Variants in CLDN15 observed in about 807,000 individuals in gnomAD.
CLDN15 encodes the protein claudin 15.
Under a neutral mutation model 24.5 loss-of-function variants are expected in CLDN15, and 9 were observed. The observed-to-expected ratio is 0.37, with a 90% CI of 0.22 to 0.64. The LOEUF is 0.64. CLDN15 is among the 30% of genes least tolerant of loss of function. CLDN15 has a pLI of 0.63. For missense variants in CLDN15, 248 were observed against 305.9 expected (o/e 0.81, Z 1.41); for synonymous variants, 149 against 131.4 (o/e 1.13, Z -0.92).
At chr7:101,236,725 C>G in intron 1 of CLDN15, 1 of 1,290,732 alleles carries the variant, frequency 7.7e-7, no homozygotes. Flanking sequence ...CAGAAAGACA[C>G]TGTCCTGGAA....
Position 101,237,395 on chromosome 7 carries a change from A to AG in CLDN15, c.186dup (p.Trp63LeufsTer126). 1 of 1,612,524 alleles carries AG rather than the reference A, an allele frequency of 6.2e-7. No homozygotes were observed. Among genetic ancestry groups the AG allele is most frequent in the Non-Finnish European group, 8.5e-7 (1 of 1,179,322 alleles). Reference sequence around the variant, plus strand: ...AGGGCCAGCATGGACGGGAACTCCCAGCAGTTGTAGACGCCCAGGGAGTCG... The same window carrying AG: ...AGGGCCAGCATGGACGGGAACTCCCAGGCAGTTGTAGACGCCCAGGGAGTCG... On this transcript the variant is annotated frameshift_variant, in exon 1 of 5. Coordinates refer to ENST00000308344, the MANE Select transcript of CLDN15 (RefSeq NM_014343.3). LOFTEE classifies it high-confidence loss of function. The surrounding 1 kb of genome is among the most constrained non-coding windows in gnomAD (Gnocchi z 4.0).
In CLDN15 at chr7:101,236,776, C is replaced by A. The variant is rs116895240; in HGVS notation, c.217+589G>T. 4 of 1,291,226 alleles carry A rather than the reference C, an allele frequency of 3.1e-6. No homozygotes were observed. The South Asian group carries it at 4.9e-5, about 16-fold the overall frequency. 80.0% of individuals were successfully genotyped at this position (1,291,226 alleles called of 1,614,324 possible). A position where few individuals can be genotyped will look rare whatever the true frequency, so the allele number is the denominator to read the frequency against. Reference sequence around the variant, plus strand: ...ACACACACCGCCTCCTTACAGCGGACGCTCAACCTGCAACTTGCAAGACGC... The same window carrying A: ...ACACACACCGCCTCCTTACAGCGGAAGCTCAACCTGCAACTTGCAAGACGC... On this transcript the variant is annotated intron_variant, in intron 1 of 4. Transcript: ENST00000308344.
At chr7:101,233,169 G>C (rs1798537425) in intron 2 of CLDN15, among the ~76,000 whole-genome samples, 1 of 151,988 alleles carries the variant, frequency 6.6e-6, no homozygotes, top group South Asian at 2.1e-4. Context: ...ACCTCCTCCT[G>C]CCTCTTCTCT....
At chr7:101,238,295 C>T (rs1014733369), upstream of CLDN15, 10 of 153,302 alleles carry the variant, frequency 6.5e-5, no homozygotes, top group African/African-American at 2.4e-4. Context: ...GGAACTCGGC[C>T]CCACCATCCA....
In CLDN15 at chr7:101,232,388, C is replaced by T. The variant is rs552753746; in HGVS notation, c.*22G>A. On this transcript the variant is annotated 3_prime_UTR_variant, in exon 5 of 5. Coordinates refer to ENST00000308344, the MANE Select transcript of CLDN15 (RefSeq NM_014343.3). ...TCTCCTTGGGGCAGTGGGAAGACAG[C>T]GGGGCCCACGGGCCAGAGCTGCTAC... 1.7e-5 allele frequency: 27 copies of T among 1,545,362 alleles called. No homozygotes were observed. The highest frequency in any genetic ancestry group is 1.4e-4 in the Admixed American group (8 of 59,090).
intron 1 of CLDN15, chr7:101,236,965 A>G (rs1316752733): frequency 6.5e-6 from 3 of 458,576 alleles, no homozygotes; most frequent in Non-Finnish European, 1.3e-5. Flanking sequence ...CCCCCAAAAC[A>G]TGCTCAACCG....
chr7:101,234,995 C>A (rs183898664), intron 1 of CLDN15, among the ~76,000 whole-genome samples: 4 of 152,280 alleles, frequency 2.6e-5, no homozygotes, highest in African/African-American at 9.6e-5. Context: ...CCTCCCTGAC[C>A]TCTACCCACG....
chr7:101,236,735 A>C, intron 1 of CLDN15: 1 of 1,291,232 alleles, frequency 7.7e-7, no homozygotes, highest in Non-Finnish European at 1.0e-6. Context: ...CTGTCCTGGA[A>C]GCCCCACACA....
chr7:101,234,459 T>C lies in CLDN15; in HGVS notation c.218-17A>G, dbSNP rs933402038. ...GAATATACCCTGGGGGTGGGCACAG[T>C]TGTCAGCCTTTCCCATCTCCCCTCT... On this transcript the variant is annotated splice_polypyrimidine_tract_variant and intron_variant, in intron 1 of 4. Coordinates refer to ENST00000308344, the MANE Select transcript of CLDN15 (RefSeq NM_014343.3). The C allele has an allele frequency of 3.1e-6, 5 of 1,590,976 alleles. No homozygotes were observed. Among genetic ancestry groups the C allele is most frequent in the Non-Finnish European group, 4.3e-6 (5 of 1,160,830 alleles).
upstream of CLDN15, chr7:101,237,898 C>G: frequency 2.6e-6 from 1 of 383,090 alleles, no homozygotes; most frequent in Non-Finnish European, 5.0e-6. This position sits in a 1 kb window ranked among gnomAD's most constrained non-coding sequence, Gnocchi z 4.0. Flanking sequence ...TGGGCTGCCC[C>G]GGGCTCCCCG....
rs752327023 is a variant in CLDN15, at chr7:101,234,287, T to C, written c.373A>G (p.Ile125Val). ...KLAATAGALHILAGICGMVAI... is the reference protein window; with the variant it reads ...KLAATAGALHVLAGICGMVAI... ...ACCTTCCCCCAGTTACCGGCCAGAA[T>C]GTGGAGGGCCCCTGCGGTGGCCGCC... The change falls in exon 2 of 5, where the codon ATT (isoleucine) becomes GTT (valine). Residue 125 changes from isoleucine to valine, a missense_variant. By Grantham distance (29) the Ile-to-Val change is conservative. Coordinates refer to ENST00000308344, the MANE Select transcript of CLDN15 (RefSeq NM_014343.3). 6.2e-7 allele frequency: 1 copy of C among 1,606,670 alleles called. No individual in the cohort carries two copies. Among genetic ancestry groups the C allele is most frequent in the East Asian group, 2.2e-5 (1 of 44,840 alleles).
At chr7:101,235,086 AG>A (rs1380366929) in intron 1 of CLDN15, among the ~76,000 whole-genome samples, 3 of 152,186 alleles carry the variant, frequency 2.0e-5, no homozygotes, top group Non-Finnish European at 4.4e-5. Flanking sequence ...CTGCCCTATC[AG>A]GTTGCTCTCA....
At chr7:101,236,715 C>T (rs1798632336) in intron 1 of CLDN15, 7 of 1,290,126 alleles carry the variant, frequency 5.4e-6, no homozygotes, top group Middle Eastern at 2.1e-4. Context: ...TCTAAGACCC[C>T]AGAAAGACAC....
upstream of CLDN15, chr7:101,238,674 G>A (rs144695871): frequency 2.1e-3 from 314 of 152,366 alleles, 1 homozygote; most frequent in African/African-American, 6.9e-3. Flanking sequence ...ACTCAGCATC[G>A]AGCCTGGTCC....
rs777560880 is a variant in CLDN15 at position 101,232,740 on chromosome 7, G to C, written c.465-20C>G. The C allele has an allele frequency of 8.2e-6, 13 of 1,585,190 alleles. No individual in the cohort carries two copies. Among genetic ancestry groups the C allele is most frequent in the African/African-American group, 8.1e-5 (6 of 74,498 alleles). ...TCGTACCTGCGCACAAGGGCGGCGCGGGGGCGGGGGACAAGTGAGACGCCA... is the reference window on the plus strand; with the variant it reads ...TCGTACCTGCGCACAAGGGCGGCGCCGGGGCGGGGGACAAGTGAGACGCCA... On this transcript the variant is annotated intron_variant, in intron 3 of 4. Transcript: ENST00000308344.
Position 101,237,597 on chromosome 7 carries a change from C to T in CLDN15, c.-16G>A, listed in dbSNP as rs763004173. On this transcript the variant is annotated 5_prime_UTR_variant, in exon 1 of 5. Transcript: ENST00000308344. The surrounding 1 kb of genome is among the most constrained non-coding windows in gnomAD (Gnocchi z 4.0). ...CCATCGACATGGTGGGATGCAGGAC[C>T]CTGGGGGGCTGGTGCCCCAGAGAGG... 5.6e-6 allele frequency: 9 copies of T among 1,602,712 alleles called. No individual in the cohort carries two copies. In the East Asian group the frequency reaches 1.8e-4, roughly 32 times the overall value.
At chr7:101,236,323 C>G (rs919679270) in intron 1 of CLDN15, among the ~76,000 whole-genome samples, 4 of 152,154 alleles carry the variant, frequency 2.6e-5, no homozygotes, top group African/African-American at 9.7e-5. Flanking sequence ...AAACAGGAAG[C>G]CTCTGCCGCT....
intron 1 of CLDN15, chr7:101,236,850 G>C: frequency 1.6e-6 from 2 of 1,281,366 alleles, no homozygotes; most frequent in Non-Finnish European, 2.0e-6. Flanking sequence ...AAGGAGACCA[G>C]TGCCCCCCGA....
upstream of CLDN15, chr7:101,238,096 A>G (rs1004717334): frequency 3.0e-5 from 6 of 202,586 alleles, no homozygotes; most frequent in East Asian, 3.3e-4. Context: ...CGTGAGAGCA[A>G]TAAGGGACAG....
Sources: allele counts gnomAD v4.1 joint callset (sites outside exome capture counted in the v4.1 genomes callset), GRCh38; gene constraint gnomAD v4.1.1; non-coding constraint Gnocchi (gnomAD v3.1); transcripts MANE v1.5; gene names NCBI Gene and HGNC (gene_info 2026-07-23, HGNC 2026-07-21).